Variants in USP43 observed in about 807,000 individuals in gnomAD.
USP43 encodes the protein ubiquitin carboxyl-terminal hydrolase 43.
In USP43, 33 loss-of-function variants were observed where a neutral mutation model predicts 90.7. The ratio of observed to expected loss-of-function variants is 0.36; its 90% CI spans 0.28 to 0.49. USP43 has a LOEUF of 0.49. Ranked by LOEUF, USP43 falls within the 20% of genes least tolerant of loss-of-function variation. The pLI is 0.98. For synonymous variants in USP43, 598 were observed against 615.8 expected (o/e 0.97, Z 0.43); for missense variants, 1,274 against 1,476.4 (o/e 0.86, Z 2.25).
intron 4 of USP43, 69 bp downstream of exon 4, chr17:9,675,052 G>C (rs879198573): frequency 7.4e-7 from 1 of 1,344,200 alleles, no homozygotes. Flanking sequence ...GAAGCTTCTG[G>C]CCTCACACCT....
At chr17:9,665,200 G>A (rs1028560136) in intron 2 of USP43, among the ~76,000 whole-genome samples, 3 of 152,168 alleles carry the variant, frequency 2.0e-5, no homozygotes, top group African/African-American at 7.2e-5. Context: ...GCACACAGAA[G>A]CCCTGAGGTG....
chr17:9,693,699 G>A (rs1013653359), intron 9 of USP43, among the ~76,000 whole-genome samples: 86 of 152,016 alleles, frequency 5.7e-4, no homozygotes, highest in African/African-American at 2.0e-3. Flanking sequence ...TTAGCCGGTC[G>A]TGGTAGCACG....
chr17:9,680,014 T>TA (rs1914059986), intron 5 of USP43, among the ~76,000 whole-genome samples: 1 of 75,034 alleles, frequency 1.3e-5, no homozygotes. Flanking sequence ...AAAACTTAGA[T>TA]TTTTTTTTTT....
chr17:9,670,108 G>A (rs936694536), intron 3 of USP43, among the ~76,000 whole-genome samples: 1 of 149,830 alleles, frequency 6.7e-6, no homozygotes, highest in South Asian at 2.1e-4. Flanking sequence ...GCGCAGTCTC[G>A]GCTCACTGCA....
chr17:9,693,009 T>C lies in USP43; in HGVS notation c.1354-118T>C. The C allele has an allele frequency of 6.1e-6, 5 of 824,376 alleles. No homozygotes were observed. In the South Asian group the frequency reaches 9.0e-5, roughly 15 times the overall value. The allele number at this position is 824,376 out of a possible 1,614,324, so 51.1% of individuals were successfully genotyped here. On this transcript the variant is annotated intron_variant, in intron 8 of 14. Coordinates refer to ENST00000285199, the MANE Select transcript of USP43 (RefSeq NM_153210.5). ...TTGAATTCTAATTATTACGGGAATA[T>C]TCAAAATACACTATGGAAAATAATG... is the stretch of plus-strand genomic sequence containing the variant.
At chr17:9,725,915 C>G (rs917839934) in intron 14 of USP43, among the ~76,000 whole-genome samples, 4 of 152,190 alleles carry the variant, frequency 2.6e-5, no homozygotes, top group African/African-American at 9.7e-5. Context: ...ATAAACTTCA[C>G]ACACATCTCA....
chr17:9,664,722 C>T (rs1302186577), intron 2 of USP43, among the ~76,000 whole-genome samples: 1 of 150,912 alleles, frequency 6.6e-6, no homozygotes, highest in African/African-American at 2.4e-5. Flanking sequence ...ACTTTAAGCT[C>T]CGCCTCCCGG....
chr17:9,700,201 C>G lies in USP43; in HGVS notation c.1487C>G (p.Pro496Arg). 1 of 1,607,238 alleles carries G rather than the reference C, an allele frequency of 6.2e-7. No individual in the cohort carries two copies. Among genetic ancestry groups the G allele is most frequent in the Non-Finnish European group, 8.5e-7 (1 of 1,177,124 alleles). ...RVLHLRRPGG[P>R]PHVKLAVEWD... is the part of the protein sequence containing the mutation. Reference sequence around the variant, plus strand: ...TTGCATCTCAGGAGGCCAGGAGGCCCTCCACATGTCAAGCTGGCGGTGGAG... The same window carrying G: ...TTGCATCTCAGGAGGCCAGGAGGCCGTCCACATGTCAAGCTGGCGGTGGAG... Residue 496 changes from proline (P) to arginine (R), a missense_variant, in exon 10 of 15, where the codon CCT (proline) becomes CGT (arginine). Coordinates refer to ENST00000285199, the MANE Select transcript of USP43 (RefSeq NM_153210.5).
chr17:9,667,338 G>A (rs963251292), intron 3 of USP43, among the ~76,000 whole-genome samples: 1 of 151,948 alleles, frequency 6.6e-6, no homozygotes, highest in African/African-American at 2.4e-5. Context: ...CGTACAGTGA[G>A]CCGTGATCGC....
In USP43 at chr17:9,701,629, C is replaced by A. The variant is rs759529221; in HGVS notation, c.1940C>A (p.Pro647Gln). Reference protein sequence around the residue: ...KQPDCLPTSYPLDFLYDLYAV... With the variant: ...KQPDCLPTSYQLDFLYDLYAV... ...CCGGACTGCCTGCCCACCAGTTACC[C>A]GCTGGACTTCCTGTACGACCTGTAT... Residue 647 changes from proline to glutamine, a missense_variant, in exon 12 of 15, where the codon CCG becomes CAG. Coordinates refer to ENST00000285199, the MANE Select transcript of USP43 (RefSeq NM_153210.5). The surrounding 1 kb of genome is among the most constrained non-coding windows in gnomAD (Gnocchi z 7.2). 6.3e-7 allele frequency: 1 copy of A among 1,590,140 alleles called. No individual in the cohort carries two copies. Among genetic ancestry groups the A allele is most frequent in the Non-Finnish European group, 8.6e-7 (1 of 1,169,090 alleles).
At chr17:9,697,548 C>T (rs753266615) in intron 9 of USP43, among the ~76,000 whole-genome samples, 10 of 152,172 alleles carry the variant, frequency 6.6e-5, no homozygotes, top group Middle Eastern at 3.4e-3. Flanking sequence ...TGTGTACCCA[C>T]GGTTTAGCTC....
intron 2 of USP43, among the ~76,000 whole-genome samples, chr17:9,663,084 C>G (rs1912756241): frequency 6.6e-6 from 1 of 151,866 alleles, no homozygotes; most frequent in African/African-American, 2.4e-5. Context: ...TCCCAAAGTG[C>G]TGAGATTACA....
In USP43 at chr17:9,683,268, A is replaced by C. The variant is rs898050941; in HGVS notation, c.1241+310A>C. ...TGCTAAAAGAAACTGGCTATAAGAA[A>C]AGAGGTGATAATTTGGTTGTCTGTC... On this transcript the variant is annotated intron_variant, in intron 7 of 14. Coordinates refer to ENST00000285199, the MANE Select transcript of USP43 (RefSeq NM_153210.5). 2.6e-5 allele frequency among the ~76,000 whole-genome samples: 4 copies of C among 152,162 alleles called. No homozygotes were observed. The East Asian group carries it at 7.7e-4, about 29-fold the overall frequency.
chr17:9,695,853 AG>A (rs1277250331), intron 9 of USP43, among the ~76,000 whole-genome samples: 8 of 152,194 alleles, frequency 5.3e-5, no homozygotes, highest in Admixed American at 6.5e-5. Flanking sequence ...TAGATGCCTC[AG>A]GTAACAGGAA....
At chr17:9,673,984 G>A (rs1221637080) in intron 3 of USP43, among the ~76,000 whole-genome samples, 1 of 152,166 alleles carries the variant, frequency 6.6e-6, no homozygotes, top group Non-Finnish European at 1.5e-5. Flanking sequence ...CATCTGGGGA[G>A]CTTAAAAGCT....
chr17:9,664,797 C>G (rs1597825137), intron 2 of USP43, among the ~76,000 whole-genome samples: 2 of 152,172 alleles, frequency 1.3e-5, no homozygotes, highest in Admixed American at 1.3e-4. Context: ...GCCACCACGC[C>G]CAGCTAATTT....
chr17:9,681,098 A>G (rs1429654808), intron 6 of USP43, among the ~76,000 whole-genome samples: 2 of 82,982 alleles, frequency 2.4e-5, no homozygotes, highest in Non-Finnish European at 4.2e-5. Context: ...AATATATGAC[A>G]TATACTATAT....
chr17:9,658,177 G>A (rs139218176), intron 2 of USP43, among the ~76,000 whole-genome samples: 69 of 152,290 alleles, frequency 4.5e-4, no homozygotes, highest in African/African-American at 1.5e-3. Context: ...CCCTTGGAAA[G>A]TGCTTAGATC....
chr17:9,713,546 C>G (rs1263475773), intron 14 of USP43, among the ~76,000 whole-genome samples: 2 of 152,182 alleles, frequency 1.3e-5, no homozygotes, highest in Admixed American at 1.3e-4. Context: ...AGAGTCTACT[C>G]TGGCTACTGT....
Sources: gnomAD v4.1 joint callset for allele counts (sites outside exome capture counted in the v4.1 genomes callset) on GRCh38, gnomAD v4.1.1 for gene constraint, Gnocchi (gnomAD v3.1) non-coding constraint, MANE v1.5 for transcripts, NCBI Gene and HGNC (gene_info 2026-07-23, HGNC 2026-07-21) for gene names.